PDE4D: variants seen among roughly 807,000 people sequenced by gnomAD.
PDE4D encodes the protein phosphodiesterase 4D.
PDE4D carries 24 observed loss-of-function variants against 87.4 expected under a neutral mutation model. The observed-to-expected ratio is 0.27, with a 90% CI of 0.20 to 0.39. The LOEUF is 0.39. Among genes scored for constraint, PDE4D ranks in the 10% least tolerant of loss-of-function variants. The pLI is 1.00. For synonymous variants in PDE4D, 384 were observed against 383.2 expected (o/e 1.00, Z -0.02); for missense variants, 714 against 1,041.0 (o/e 0.69, Z 4.32).
chr5:60,418,594 A>C (rs1273765082), intron 1 of PDE4D, among the ~76,000 whole-genome samples: 1 of 151,140 alleles, frequency 6.6e-6, no homozygotes, highest in Middle Eastern at 3.2e-3. Flanking sequence ...TTTTATTTTT[A>C]ATTGTTCTGG....
At chr5:60,293,762 G>A (rs565013697) in intron 1 of PDE4D, among the ~76,000 whole-genome samples, 1 of 152,088 alleles carries the variant, frequency 6.6e-6, no homozygotes, top group Non-Finnish European at 1.5e-5. Context: ...TTTGTTGCAG[G>A]TATCAGTAGT....
chr5:59,560,965 A>G (rs532553430), intron 1 of PDE4D: 1 of 152,330 alleles, frequency 6.6e-6, no homozygotes, highest in Non-Finnish European at 1.5e-5. Context: ...AGAGTAAGAG[A>G]ACACTAAGTT....
Position 59,326,034 on chromosome 5 carries a change from G to A in PDE4D, c.456-110066C>T, listed in dbSNP as rs374936180. Among the ~76,000 whole-genome samples, 317 of 152,002 alleles carry A rather than the reference G, an allele frequency of 2.1e-3. 3 individuals are homozygous for A. Among genetic ancestry groups the A allele is most frequent in the African/African-American group, 7.1e-3 (294 of 41,450 alleles). On this transcript the variant is annotated intron_variant, in intron 1 of 14. Transcript: ENST00000340635. The stretch of plus-strand genomic sequence containing the variant: ...TCGCAAGGACAGAAAACCAAACACC[G>A]CATGTTCTCACTCATAGGTGGGAAT...
chr5:59,110,209 C>G (rs1580843749), intron 5 of PDE4D, among the ~76,000 whole-genome samples: 1 of 152,236 alleles, frequency 6.6e-6, no homozygotes, highest in Non-Finnish European at 1.5e-5. Flanking sequence ...GGCTTTAAGG[C>G]TCTTGTGAGC....
chr5:60,149,419 T>A (rs1469189553), intron 2 of PDE4D, among the ~76,000 whole-genome samples: 2 of 152,136 alleles, frequency 1.3e-5, no homozygotes, highest in Non-Finnish European at 2.9e-5. Context: ...ATGGAAGAAC[T>A]CTTATGACCT....
At chr5:60,067,110 T>C (rs1222824911) in intron 2 of PDE4D, among the ~76,000 whole-genome samples, 1 of 152,134 alleles carries the variant, frequency 6.6e-6, no homozygotes, top group African/African-American at 2.4e-5. Flanking sequence ...GATATATTCA[T>C]TCATATATGT....
rs1580511994 is a variant in PDE4D, at chr5:59,048,395, G to A, written c.809-9424C>T. Among the ~76,000 whole-genome samples the A allele has an allele frequency of 2.0e-5, 3 of 152,214 alleles. No homozygotes were observed. The South Asian group carries it at 6.2e-4, about 32-fold the overall frequency. On this transcript the variant is annotated intron_variant, in intron 5 of 14. Transcript: ENST00000340635. ...TTGTTCTTCACCTTTGTCAATTACT[G>A]CATACAGTATTCCTTAGAGAAAACA...
intron 1 of PDE4D, among the ~76,000 whole-genome samples, chr5:59,420,789 A>AT (rs1190968414): frequency 6.6e-6 from 1 of 152,096 alleles, no homozygotes; most frequent in Admixed American, 6.6e-5. Context: ...ATGGATTGCC[A>AT]TGGTAACACC....
At chr5:59,067,009 T>C (rs1312234007) in intron 5 of PDE4D, among the ~76,000 whole-genome samples, 1 of 150,862 alleles carries the variant, frequency 6.6e-6, no homozygotes, top group Non-Finnish European at 1.5e-5. Flanking sequence ...TATTTATTTA[T>C]TTATTTATTT....
At chr5:60,036,386 A>C (rs1373008178) in intron 2 of PDE4D, among the ~76,000 whole-genome samples, 17 of 152,198 alleles carry the variant, frequency 1.1e-4, no homozygotes, top group Non-Finnish European at 2.5e-4. Context: ...GGTTTACAAT[A>C]ATTCCTGTAT....
chr5:60,245,823 A>C (rs1265290813), intron 1 of PDE4D, among the ~76,000 whole-genome samples: 2 of 105,390 alleles, frequency 1.9e-5, no homozygotes, highest in Non-Finnish European at 4.0e-5. Context: ...GTTAATGAGT[A>C]CAAAAAAAAT....
At chr5:59,672,314 T>C (rs1020441730) in intron 1 of PDE4D, among the ~76,000 whole-genome samples, 1 of 152,134 alleles carries the variant, frequency 6.6e-6, no homozygotes, top group African/African-American at 2.4e-5. Context: ...GAGATAATTA[T>C]TATGGAAAAC....
intron 2 of PDE4D, among the ~76,000 whole-genome samples, chr5:60,103,169 T>C (rs575454542): frequency 6.6e-4 from 100 of 152,232 alleles, no homozygotes; most frequent in Middle Eastern, 6.8e-3. Flanking sequence ...ATAAATGCAG[T>C]CAGTGTTGCT....
intron 1 of PDE4D, among the ~76,000 whole-genome samples, chr5:60,413,449 G>A (rs1323723512): frequency 6.6e-6 from 1 of 152,142 alleles, no homozygotes; most frequent in Non-Finnish European, 1.5e-5. Context: ...TTCTGAAGAT[G>A]AGAGGAGGAA....
chr5:59,947,272 A>G (rs1465533350), intron 3 of PDE4D, among the ~76,000 whole-genome samples: 1 of 152,208 alleles, frequency 6.6e-6, no homozygotes. Flanking sequence ...TCTTTTGAGT[A>G]ACTTCCTGAT....
chr5:59,762,148 G>A (rs370974292), intron 1 of PDE4D, among the ~76,000 whole-genome samples: 1 of 151,144 alleles, frequency 6.6e-6, no homozygotes, highest in Non-Finnish European at 1.5e-5. Flanking sequence ...ATATATATAT[G>A]TGTGTGTGTG....
At chr5:60,410,191 A>G (rs1161976836) in intron 1 of PDE4D, among the ~76,000 whole-genome samples, 1 of 152,206 alleles carries the variant, frequency 6.6e-6, no homozygotes, top group East Asian at 1.9e-4. Context: ...AAGCCTGGCA[A>G]ATAATGTGAT....
At chr5:59,877,494 A>G (rs1369576243) in intron 1 of PDE4D, among the ~76,000 whole-genome samples, 1 of 149,690 alleles carries the variant, frequency 6.7e-6, no homozygotes, top group Non-Finnish European at 1.5e-5. Context: ...AAAAAAAAAA[A>G]AAAAAAGAAG....
chr5:60,352,245 C>A (rs922935544), intron 1 of PDE4D, among the ~76,000 whole-genome samples: 2 of 152,186 alleles, frequency 1.3e-5, no homozygotes, highest in Non-Finnish European at 2.9e-5. Context: ...AGTGAGCCTC[C>A]TTTTTGCCTG....
Sources: allele counts gnomAD v4.1 joint callset (sites outside exome capture counted in the v4.1 genomes callset), GRCh38; gene constraint gnomAD v4.1.1; transcripts MANE v1.5; gene names NCBI Gene and HGNC (gene_info 2026-07-23, HGNC 2026-07-21).